Variants in EIF2B5 observed in about 807,000 individuals in gnomAD.
EIF2B5 encodes eukaryotic translation initiation factor 2B subunit epsilon.
EIF2B5 carries 38 observed loss-of-function variants against 87.3 expected under a neutral mutation model. The ratio of observed to expected loss-of-function variants is 0.44; its 90% CI spans 0.34 to 0.57. The LOEUF (loss-of-function observed/expected upper bound fraction) is 0.57, where lower values mean the gene tolerates loss of function less well. Among genes scored for constraint, EIF2B5 ranks in the 20% least tolerant of loss-of-function variants. The probability of loss-of-function intolerance (pLI) is 0.02; values close to 1 mark genes in which losing one functional copy is unlikely to be tolerated. For synonymous variants in EIF2B5, 313 were observed against 339.6 expected (o/e 0.92, Z 0.86); for missense variants, 784 against 909.5 (o/e 0.86, Z 1.78).
chr3:184,136,536 A>G, intron 1 of EIF2B5, 76 bp from the exon 2 acceptor site: 1 of 1,563,742 alleles, frequency 6.4e-7, no homozygotes, highest in South Asian at 1.1e-5. Flanking sequence ...ATACGAATAG[A>G]GGAGTGAAAA....
Position 184,138,173 on chromosome 3 carries a change from T to C in EIF2B5, c.692T>C (p.Phe231Ser), listed in dbSNP as rs1261473481. Residue 231 changes from phenylalanine (F) to serine (S), a missense_variant, in exon 5 of 16, where the codon TTT becomes TCT. By Grantham distance (155) the Phe-to-Ser change is radical (BLOSUM62 -2). Around this residue, in one of 3 missense-constraint regions of EIF2B5, gnomAD observed 660 missense variants for 789.5 expected, o/e 0.84. Coordinates refer to ENST00000648915, the MANE Select transcript of EIF2B5 (RefSeq NM_003907.3). Reference protein sequence around the residue: ...LRRFAFPLSLFQGSSDGVEVR... With the variant: ...LRRFAFPLSLSQGSSDGVEVR... ...TGTAACTTCTCCCCACAGAGCCTGTTTCAGGGCAGTAGTGATGGAGTGGAG... is the reference window on the plus strand; with the variant it reads ...TGTAACTTCTCCCCACAGAGCCTGTCTCAGGGCAGTAGTGATGGAGTGGAG... 6.2e-7 allele frequency: 1 copy of C among 1,614,030 alleles called. No homozygotes were observed. Among genetic ancestry groups the C allele is most frequent in the Non-Finnish European group, 8.5e-7 (1 of 1,180,048 alleles).
rs1713377881 is a variant in EIF2B5 at position 184,136,742 on chromosome 3, G to T, written c.320+6G>T. On this transcript the variant is annotated splice_donor_region_variant and intron_variant, in intron 2 of 15. Coordinates refer to ENST00000648915, the MANE Select transcript of EIF2B5 (RefSeq NM_003907.3). ...CAAATCAAAGAACATTTACTGTAAG[G>T]CCCTGCAACTTTTCTTTCCATGTTT... The T allele has an allele frequency of 8.1e-6, 13 of 1,614,044 alleles. No homozygotes were observed. The highest frequency in any genetic ancestry group is 1.1e-5 in the Non-Finnish European group (13 of 1,180,024).
chr3:184,137,691 T>C lies in EIF2B5; in HGVS notation c.392T>C (p.Leu131Pro). 1 of 1,614,188 alleles carries C rather than the reference T, an allele frequency of 6.2e-7. No individual in the cohort carries two copies. The highest frequency in any genetic ancestry group is 8.5e-7 in the Non-Finnish European group (1 of 1,180,016). Residue 131 changes from leucine to proline, a missense_variant, in exon 3 of 16, where the codon CTG becomes CCG. Physicochemically the swap from Leu to Pro is moderately conservative, Grantham distance 98. Around this residue, in one of 3 missense-constraint regions of EIF2B5, gnomAD observed 660 missense variants for 789.5 expected, o/e 0.84. Coordinates refer to ENST00000648915, the MANE Select transcript of EIF2B5 (RefSeq NM_003907.3). ...RIITSELYRSLGDVLRDVDAK... is the reference protein window; with the variant it reads ...RIITSELYRSPGDVLRDVDAK... ...ATTACATCAGAGCTCTATCGATCAC[T>C]GGGAGATGTCCTCCGTGATGTTGAT...
chr3:184,144,075 G>A (rs1289523467), intron 13 of EIF2B5, 24 bp from the exon 14 acceptor site: 2 of 1,614,160 alleles, frequency 1.2e-6, no homozygotes, highest in Middle Eastern at 1.7e-4. Context: ...GGAATATACT[G>A]CAGCTCCCTT....
At position 184,142,169 on chromosome 3, in the gene EIF2B5, G is replaced by C. The variant is rs1713664238; in HGVS notation, c.1303-68G>C. 1 of 1,613,894 alleles carries C rather than the reference G, an allele frequency of 6.2e-7. No individual in the cohort carries two copies. Among genetic ancestry groups the C allele is most frequent in the African/African-American group, 1.3e-5 (1 of 74,902 alleles). On this transcript the variant is annotated intron_variant, in intron 8 of 15. Transcript: ENST00000648915. The surrounding 1 kb of genome is among the most constrained non-coding windows in gnomAD (Gnocchi z 5.0). ...TCCACCCATAATCCTGTCTAAAAAA[G>C]TTGCTCTCATTATCAGGATGCACTT...
Position 184,140,588 on chromosome 3 carries a change from C to T in EIF2B5, c.1014C>T (p.Ser338=), listed in dbSNP as rs781468477. The part of the protein sequence containing the change: ...TDSTTQSCTH[S]RHNIYRGPEV... ...GCACCACCCAGAGCTGCACTCATTC[C>T]CGGCACAACATCTACCGAGGGCCTG... Residue 338 remains serine (S), a synonymous_variant, in exon 7 of 16, where the codon TCC becomes TCT. Transcript: ENST00000648915. The T allele has an allele frequency of 1.2e-6, 2 of 1,614,212 alleles. No homozygotes were observed. Among genetic ancestry groups the T allele is most frequent in the Non-Finnish European group, 1.7e-6 (2 of 1,180,048 alleles).
Position 184,142,718 on chromosome 3 carries a change from G to A in EIF2B5, c.1547-61G>A. 1.3e-6 allele frequency: 2 copies of A among 1,559,084 alleles called. No individual in the cohort carries two copies. The highest frequency in any genetic ancestry group is 1.8e-6 in the Non-Finnish European group (2 of 1,140,114). On this transcript the variant is annotated intron_variant, in intron 10 of 15. Coordinates refer to ENST00000648915, the MANE Select transcript of EIF2B5 (RefSeq NM_003907.3). The surrounding 1 kb of genome is among the most constrained non-coding windows in gnomAD (Gnocchi z 5.0). ...TCCTTTATTCAGGCAGACAGGGCAG[G>A]TATATTGCTCTCTGTCAATGACTCT...
chr3:184,145,015 T>A lies in EIF2B5; in HGVS notation c.*72T>A. On this transcript the variant is annotated 3_prime_UTR_variant, in exon 16 of 16. Coordinates refer to ENST00000648915, the MANE Select transcript of EIF2B5 (RefSeq NM_003907.3). This position sits in a 1 kb window ranked among gnomAD's most constrained non-coding sequence, Gnocchi z 4.0. ...TCCTGGGCTGGGACAAGTGAGGAAC[T>A]AGCTGCAGAGGGATGAGTGACCACC... 2 of 1,419,078 alleles carry A rather than the reference T, an allele frequency of 1.4e-6. No individual in the cohort carries two copies. The highest frequency in any genetic ancestry group is 2.0e-6 in the Non-Finnish European group (2 of 1,009,496). The allele number at this position is 1,419,078 out of a possible 1,614,324, so 87.9% of individuals were successfully genotyped here.
intron 2 of EIF2B5, chr3:184,137,277 T>C: frequency 2.4e-6 from 1 of 411,422 alleles, no homozygotes; most frequent in South Asian, 2.2e-5. Flanking sequence ...AAATGTTATA[T>C]GGATTGCAGA....
intron 2 of EIF2B5, 150 bp from the exon 3 acceptor site, chr3:184,137,470 C>A: frequency 1.4e-6 from 1 of 736,148 alleles, no homozygotes; most frequent in Admixed American, 2.0e-5. Flanking sequence ...CATTATAGTT[C>A]ATAATACTCT....
intron 2 of EIF2B5, 100 bp from the exon 3 acceptor site, chr3:184,137,520 C>T (rs888794706): frequency 1.0e-5 from 13 of 1,241,908 alleles, no homozygotes; most frequent in African/African-American, 5.9e-5. Flanking sequence ...AAAAAGCCAT[C>T]GAGAAGGACT....
intron 13 of EIF2B5, chr3:184,143,774 AC>A: frequency 1.4e-6 from 1 of 740,360 alleles, no homozygotes; most frequent in Non-Finnish European, 2.2e-6. Context: ...AGGATTTCAT[AC>A]CATCCTAGGC....
At position 184,135,575 on chromosome 3, in the gene EIF2B5, C is replaced by T. The variant is rs1374322344; in HGVS notation, c.190C>T (p.Pro64Ser). 1.3e-6 allele frequency: 2 copies of T among 1,586,156 alleles called. No individual in the cohort carries two copies. Among genetic ancestry groups the T allele is most frequent in the Non-Finnish European group, 8.6e-7 (1 of 1,167,750 alleles). The change falls in exon 1 of 16, where the codon CCT (proline) becomes TCT (serine). Residue 64 changes from proline (P) to serine (S), a missense_variant. Around this residue, in one of 3 missense-constraint regions of EIF2B5, gnomAD observed 117 missense variants for 101.0 expected, o/e 1.16. Coordinates refer to ENST00000648915, the MANE Select transcript of EIF2B5 (RefSeq NM_003907.3). ...RRFFPISKDQ[P>S]RVLLPLANVA... ...CTTCTTCCCCATCTCCAAGGACCAG[C>T]CTCGGGTGAGCGCCGCGCACGCGAG...
intron 14 of EIF2B5, 30 bp from the exon 15 acceptor site, chr3:184,144,567 C>T (rs1255313802): frequency 3.8e-6 from 6 of 1,599,436 alleles, no homozygotes; most frequent in East Asian, 4.5e-5. Context: ...TTCCAAGGCC[C>T]CTGAGGTCCC....
At chr3:184,139,843 C>G (rs1483079607) in intron 5 of EIF2B5, among the ~76,000 whole-genome samples, 1 of 150,960 alleles carries the variant, frequency 6.6e-6, no homozygotes, top group Non-Finnish European at 1.5e-5. Context: ...CAGTGAAATC[C>G]CATCTCTACT....
chr3:184,144,732 C>A (rs190799104), intron 15 of EIF2B5, 25 bp downstream of exon 15: 4 of 1,605,976 alleles, frequency 2.5e-6, no homozygotes, highest in African/African-American at 1.3e-5. Context: ...CCTCCTCTCG[C>A]CAAGATGGTT....
rs1713418860 is a variant in EIF2B5, at chr3:184,137,601, TC to T, written c.321-18del. The T allele has an allele frequency of 6.2e-7, 1 of 1,612,724 alleles. No individual in the cohort carries two copies. The highest frequency in any genetic ancestry group is 1.3e-5 in the African/African-American group (1 of 74,916). ...TTTATGCTTGATACACTCATTCCCC[TC>T]ACCCTCCCTTCCTTTAGGAAGTCAA... On this transcript the variant is annotated intron_variant, in intron 2 of 15. Coordinates refer to ENST00000648915, the MANE Select transcript of EIF2B5 (RefSeq NM_003907.3).
chr3:184,138,959 T>G lies in EIF2B5; in HGVS notation c.765+713T>G, dbSNP rs148870861. 3.7e-3 allele frequency: 907 copies of G among 245,436 alleles called. 11 individuals carry two copies. Among genetic ancestry groups the G allele is most frequent in the East Asian group, 0.026 (151 of 5,700 alleles). 15.2% of individuals were successfully genotyped at this position (245,436 alleles called of 1,614,324 possible). ...TTACAGGCATGAGCCACCAGTTTTT[T>G]TTGTTGTTGTTGTTGTTATTGTTGT... is the stretch of plus-strand genomic sequence containing the variant. On this transcript the variant is annotated intron_variant, in intron 5 of 15. Coordinates refer to ENST00000648915, the MANE Select transcript of EIF2B5 (RefSeq NM_003907.3).
chr3:184,139,270 ATTTTTTT>A (rs1196978595), intron 5 of EIF2B5, among the ~76,000 whole-genome samples: 67 of 48,012 alleles, frequency 1.4e-3, no homozygotes, highest in African/African-American at 5.9e-3. Flanking sequence ...TGCACCCAGC[ATTTTTTT>A]TTTTTTTTTT....
Sources: gnomAD v4.1 joint callset for allele counts (sites outside exome capture counted in the v4.1 genomes callset) on GRCh38, gnomAD v4.1.1 for gene constraint, gnomAD v4.1.1 regional missense constraint, Gnocchi (gnomAD v3.1) non-coding constraint, MANE v1.5 for transcripts, NCBI Gene and HGNC (gene_info 2026-07-23, HGNC 2026-07-21) for gene names.